The following CD276 variants were observed in gnomAD, a reference collection of about 807,000 sequenced individuals.
CD276 encodes CD276 molecule.
Under a neutral mutation model 50.0 loss-of-function variants are expected in CD276, and 34 were observed. That is an observed-to-expected ratio of 0.68 (90% CI 0.52 to 0.91). The LOEUF is 0.91. Among genes scored for constraint, CD276 ranks in the 40% least tolerant of loss-of-function variants. The pLI is 0.00. For synonymous variants in CD276, 275 were observed against 313.0 expected (o/e 0.88, Z 1.28); for missense variants, 634 against 717.5 (o/e 0.88, Z 1.33).
At chr15:73,706,676 C>T (rs1900664430) in intron 6 of CD276, among the ~76,000 whole-genome samples, 1 of 152,232 alleles carries the variant, frequency 6.6e-6, no homozygotes, top group Non-Finnish European at 1.5e-5. Context: ...TCATGTCAAA[C>T]ATTCTGGGAT....
rs950927815 is a variant in CD276, at chr15:73,708,392, G to A, written c.1423G>A (p.Val475Ile). Reference sequence around the variant, plus strand: ...CCTGTGGGTGACCGTGGGGCTGTCTGTCTGTCTCATTGCACTGCTGGTGGC... The same window carrying A: ...CCTGTGGGTGACCGTGGGGCTGTCTATCTGTCTCATTGCACTGCTGGTGGC... Reference protein sequence around the residue: ...EALWVTVGLSVCLIALLVALA... With the variant: ...EALWVTVGLSICLIALLVALA... Residue 475 changes from valine to isoleucine, a missense_variant, in exon 7 of 10, where the codon GTC becomes ATC. Coordinates refer to ENST00000318443, the MANE Select transcript of CD276 (RefSeq NM_001024736.2). 1.2e-6 allele frequency: 2 copies of A among 1,614,114 alleles called. No homozygotes were observed. Among genetic ancestry groups the A allele is most frequent in the East Asian group, 2.2e-5 (1 of 44,882 alleles).
chr15:73,690,286 CAT>C (rs1899937351), intron 1 of CD276, among the ~76,000 whole-genome samples: 1 of 152,232 alleles, frequency 6.6e-6, no homozygotes, highest in Non-Finnish European at 1.5e-5. Context: ...GGGAGGTTCT[CAT>C]ATATCATGAA....
chr15:73,698,560 TTTTTTA>T lies in CD276; in HGVS notation c.-54-1014_-54-1009del, dbSNP rs1294773505. ...TACAGGGATGGCTATATTAGCCTCT[TTTTTTA>T]TTTTTATTTTTTGAGATCGAGTCTG... On this transcript the variant is annotated intron_variant, in intron 1 of 9. Coordinates refer to ENST00000318443, the MANE Select transcript of CD276 (RefSeq NM_001024736.2). Among the ~76,000 whole-genome samples the T allele has an allele frequency of 5.9e-5, 9 of 152,284 alleles. 1 individual carries two copies. In the South Asian group the frequency reaches 1.9e-3, roughly 32 times the overall value.
In CD276 at chr15:73,699,695, G is replaced by C; in HGVS notation, c.56G>C (p.Gly19Ala). The C allele has an allele frequency of 1.2e-6, 2 of 1,610,144 alleles. No homozygotes were observed. Among genetic ancestry groups the C allele is most frequent in the South Asian group, 2.2e-5 (2 of 90,500 alleles). Residue 19 changes from glycine (G) to alanine (A), a missense_variant, in exon 2 of 10, where the codon GGA (glycine) becomes GCA (alanine). Coordinates refer to ENST00000318443, the MANE Select transcript of CD276 (RefSeq NM_001024736.2). ...GMGVHVGAAL[G>A]ALWFCLTGAL... is the part of the protein sequence containing the mutation. ...GGTGTGCATGTGGGTGCAGCCCTGG[G>C]AGCACTGTGGTTCTGCCTCACAGGT...
At chr15:73,691,091 A>G (rs956499108) in intron 1 of CD276, among the ~76,000 whole-genome samples, 1 of 151,674 alleles carries the variant, frequency 6.6e-6, no homozygotes, top group Admixed American at 6.6e-5. Flanking sequence ...ATAGTTATCC[A>G]GGCAAGAGAT....
In CD276 at chr15:73,705,446, G is replaced by A. The variant is rs146529778; in HGVS notation, c.1369+974G>A. Among the ~76,000 whole-genome samples, 484 of 152,078 alleles carry A rather than the reference G, an allele frequency of 3.2e-3. 4 individuals carry two copies. The highest frequency in any genetic ancestry group is 0.024 in the Admixed American group (359 of 15,272). ...TCTGACAAGCTCGGAGCCAGGGCCC[G>A]TCACATCGTCTGCTTGGAGTTCAGG... is the stretch of plus-strand genomic sequence containing the variant. On this transcript the variant is annotated intron_variant, in intron 6 of 9. Transcript: ENST00000318443.
chr15:73,690,671 G>T (rs566067316), intron 1 of CD276: 85 of 455,706 alleles, frequency 1.9e-4, no homozygotes, highest in Non-Finnish European at 3.4e-4. Flanking sequence ...CTTCTTACAG[G>T]CCCCACCTCT....
rs1435870876 is a variant in CD276 at position 73,702,295 on chromosome 15, A to C, written c.120A>C (p.Ala40=). The C allele has an allele frequency of 5.0e-6, 8 of 1,612,736 alleles. No homozygotes were observed. Among genetic ancestry groups the C allele is most frequent in the Non-Finnish European group, 6.8e-6 (8 of 1,179,792 alleles). ...EVQVPEDPVV[A]LVGTDATLCC... Reference sequence around the variant, plus strand: ...AGGTCCCTGAAGACCCAGTGGTGGCACTGGTGGGCACCGATGCCACCCTGT... The same window carrying C: ...AGGTCCCTGAAGACCCAGTGGTGGCCCTGGTGGGCACCGATGCCACCCTGT... The change falls in exon 3 of 10, where the codon GCA becomes GCC. Residue 40 remains alanine (A), a synonymous_variant. Coordinates refer to ENST00000318443, the MANE Select transcript of CD276 (RefSeq NM_001024736.2).
intron 1 of CD276, among the ~76,000 whole-genome samples, chr15:73,693,501 C>T (rs530685259): frequency 1.3e-5 from 2 of 152,206 alleles, no homozygotes; most frequent in East Asian, 1.9e-4. Flanking sequence ...AATGAAATAT[C>T]CTGTAAAACT....
intron 1 of CD276, chr15:73,690,805 A>G (rs1596003356): frequency 4.4e-6 from 2 of 455,528 alleles, no homozygotes; most frequent in Non-Finnish European, 8.8e-6. Flanking sequence ...TGTTGTAGGA[A>G]CTGGAAGCAG....
chr15:73,698,975 C>T (rs1210937208), intron 1 of CD276, among the ~76,000 whole-genome samples: 1 of 152,138 alleles, frequency 6.6e-6, no homozygotes, highest in African/African-American at 2.4e-5. Context: ...TAAAATGCTC[C>T]CCAGTGATTC....
chr15:73,699,619 T>A lies in CD276; in HGVS notation c.-21T>A. The A allele has an allele frequency of 6.2e-7, 1 of 1,612,708 alleles. No individual in the cohort carries two copies. The highest frequency in any genetic ancestry group is 8.5e-7 in the Non-Finnish European group (1 of 1,179,634). The stretch of plus-strand genomic sequence containing the variant: ...AGCCTTCCACCACGGGGAGCCCAGC[T>A]GTCAGCCGCCTCACAGGAAGATGCT... On this transcript the variant is annotated 5_prime_UTR_variant, in exon 2 of 10. Transcript: ENST00000318443.
intron 2 of CD276, among the ~76,000 whole-genome samples, chr15:73,701,414 G>A (rs12591553): frequency 0.4 from 61,539 of 151,972 alleles, 13,184 homozygotes; most frequent in Non-Finnish European, 0.48. Flanking sequence ...ACACTCCCCA[G>A]TGATTCCCAT....
In CD276 at chr15:73,702,693, T is replaced by C. The variant is rs556220883; in HGVS notation, c.419-79T>C. ...ACTGCTCCCAGAACCCCAGTGCTGA[T>C]TCCTGTACTCAGCCCCATGCATCCT... On this transcript the variant is annotated intron_variant, in intron 3 of 9. Transcript: ENST00000318443. 9.0e-6 allele frequency: 14 copies of C among 1,560,452 alleles called. No individual in the cohort carries two copies. In the East Asian group the frequency reaches 2.8e-4, roughly 31 times the overall value.
Position 73,704,318 on chromosome 15 carries a change from T to C in CD276, c.1215T>C (p.Thr405=). 1 of 1,613,900 alleles carries C rather than the reference T, an allele frequency of 6.2e-7. No homozygotes were observed. Among genetic ancestry groups the C allele is most frequent in the Non-Finnish European group, 8.5e-7 (1 of 1,180,016 alleles). ...FWQDGQGVPL[T]GNVTTSQMAN... ...AGGATGGGCAGGGTGTGCCCCTGAC[T>C]GGCAACGTGACCACGTCGCAGATGG... The change falls in exon 6 of 10, where the codon ACT becomes ACC. Residue 405 remains threonine (T), a synonymous_variant. Transcript: ENST00000318443. The surrounding 1 kb of genome is among the most constrained non-coding windows in gnomAD (Gnocchi z 4.1).
intron 1 of CD276, among the ~76,000 whole-genome samples, chr15:73,688,782 G>A (rs1328787068): frequency 6.6e-6 from 1 of 152,174 alleles, no homozygotes; most frequent in Non-Finnish European, 1.5e-5. Flanking sequence ...ACTCCGAGAG[G>A]GGTCTGGTGC....
intron 8 of CD276, among the ~76,000 whole-genome samples, chr15:73,709,984 G>A (rs922464600): frequency 6.7e-6 from 1 of 149,806 alleles, no homozygotes; most frequent in Admixed American, 6.6e-5. Context: ...GCTTCCTAGG[G>A]GTGGGAGCAG....
chr15:73,697,653 C>T (rs920711767), intron 1 of CD276: 36 of 150,712 alleles, frequency 2.4e-4, no homozygotes, highest in African/African-American at 8.6e-4. Flanking sequence ...ACTACAACCT[C>T]CGCCTCCTGG....
rs1219031426 is a variant in CD276, at chr15:73,708,418, C to T, written c.1449C>T (p.Ala483=). The T allele has an allele frequency of 6.2e-7, 1 of 1,614,080 alleles. No homozygotes were observed. Among genetic ancestry groups the T allele is most frequent in the Non-Finnish European group, 8.5e-7 (1 of 1,180,000 alleles). The change falls in exon 7 of 10, where the codon GCC becomes GCT. Residue 483 remains alanine (A), a synonymous_variant. Transcript: ENST00000318443. ...LSVCLIALLV[A]LAFVCWRKIK... ...TCTGTCTCATTGCACTGCTGGTGGC[C>T]CTGGCTTTCGTGTGCTGGAGAAAGA...
Sources: allele counts gnomAD v4.1 joint callset (sites outside exome capture counted in the v4.1 genomes callset), GRCh38; gene constraint gnomAD v4.1.1; non-coding constraint Gnocchi (gnomAD v3.1); transcripts MANE v1.5; gene names NCBI Gene and HGNC (gene_info 2026-07-23, HGNC 2026-07-21).